The following FRMPD4 variants were observed in gnomAD, a reference collection of about 807,000 sequenced individuals.
FRMPD4 encodes FERM and PDZ domain-containing protein 4.
A neutral mutation model predicts 94.1 loss-of-function variants in FRMPD4; 22 were observed. The observed-to-expected ratio is 0.23, with a 90% CI of 0.17 to 0.33. FRMPD4 has a LOEUF of 0.33. Among genes scored for constraint, FRMPD4 ranks in the 10% least tolerant of loss-of-function variants. The pLI is 1.00. For missense variants in FRMPD4, 1,111 were observed against 1,339.9 expected, an observed-to-expected ratio of 0.83 and a Z score of 2.67; for synonymous variants, 631 against 548.6, an observed-to-expected ratio of 1.15 and a Z score of -2.10.
At chrX:12,439,490 A>G (rs758204009) in intron 1 of FRMPD4, among the ~76,000 whole-genome samples, 2 of 111,597 alleles carry the variant, frequency 1.8e-5, no homozygotes, top group East Asian at 2.8e-4. Flanking sequence ...CCTCAAAACC[A>G]GAGCTCCTAA....
intron 1 of FRMPD4, among the ~76,000 whole-genome samples, chrX:12,239,467 G>T (rs973900420): frequency 8.9e-6 from 1 of 112,104 alleles, no homozygotes; most frequent in African/African-American, 3.2e-5. Flanking sequence ...ATTAGTGAGA[G>T]TATTCAACTT....
chrX:11,891,061 CAG>C (rs1448234909), intron 3 of FRMPD4, among the ~76,000 whole-genome samples: 2 of 112,702 alleles, frequency 1.8e-5, no homozygotes, highest in Non-Finnish European at 3.8e-5. Context: ...GGCTGTTGCT[CAG>C]AGAGTGCAGT....
intron 2 of FRMPD4, among the ~76,000 whole-genome samples, chrX:12,608,130 A>C (rs2059148506): frequency 8.9e-6 from 1 of 112,725 alleles, no homozygotes; most frequent in Non-Finnish European, 1.9e-5. Context: ...CATTACATTA[A>C]GGAGATTTCT....
intron 14 of FRMPD4, among the ~76,000 whole-genome samples, chrX:12,712,501 A>G (rs905709385): frequency 1.8e-5 from 2 of 111,532 alleles, no homozygotes; most frequent in Non-Finnish European, 3.8e-5. Flanking sequence ...GTGAGCTATG[A>G]CTACGCCACT....
intron 1 of FRMPD4, among the ~76,000 whole-genome samples, chrX:12,476,585 C>T (rs1436292731): frequency 4.5e-5 from 5 of 111,302 alleles, no homozygotes; most frequent in Non-Finnish European, 9.4e-5. Flanking sequence ...GGCTAATATC[C>T]AGAATCTACA....
intron 3 of FRMPD4, among the ~76,000 whole-genome samples, chrX:12,062,003 A>G (rs1039065527): frequency 5.4e-5 from 6 of 112,033 alleles, no homozygotes; most frequent in Non-Finnish European, 1.1e-4. Flanking sequence ...ATAAGTCTCT[A>G]TTCAGTCTTA....
Position 12,212,770 on chromosome X carries a change from T to G in FRMPD4, c.41+73758T>G, listed in dbSNP as rs144835541. Reference sequence around the variant, plus strand: ...ACTTCTCTTTATTTTTGTGATGAAATCCTGCACCTTTCACCCAGGCCTAAA... The same window carrying G: ...ACTTCTCTTTATTTTTGTGATGAAAGCCTGCACCTTTCACCCAGGCCTAAA... On this transcript the variant is annotated intron_variant, in intron 1 of 16. Coordinates refer to ENST00000675598, the MANE Select transcript of FRMPD4 (RefSeq NM_001368397.1). 1.3e-3 allele frequency among the ~76,000 whole-genome samples: 141 copies of G among 111,678 alleles called. 1 individual carries two copies. The highest frequency in any genetic ancestry group is 4.5e-3 in the African/African-American group (138 of 30,755).
rs768250436 is a variant in FRMPD4, at chrX:12,445,516, G to A, written c.42-53164G>A. On this transcript the variant is annotated intron_variant, in intron 1 of 16. Transcript: ENST00000675598. The stretch of plus-strand genomic sequence containing the variant: ...TTTGTTGAATGCCTGTCACGTATAA[G>A]ACACTCTTCTAGCACCTTTTGCTTA... Among the ~76,000 whole-genome samples, 10 of 112,739 alleles carry A rather than the reference G, an allele frequency of 8.9e-5. No homozygotes were observed. The East Asian group carries it at 2.5e-3, about 28-fold the overall frequency.
chrX:12,580,125 C>T (rs1274268231), intron 2 of FRMPD4, among the ~76,000 whole-genome samples: 1 of 112,155 alleles, frequency 8.9e-6, no homozygotes, highest in Admixed American at 9.4e-5. Context: ...GGGGAGTTGA[C>T]ACTTGGAAGA....
At chrX:11,849,017 A>G (rs533159818) in intron 1 of FRMPD4, among the ~76,000 whole-genome samples, 6 of 111,373 alleles carry the variant, frequency 5.4e-5, no homozygotes, top group Non-Finnish European at 5.7e-5. Context: ...AAGGAAAATT[A>G]TCTCTGTTCA....
chrX:12,114,660 T>C (rs1192519019), intron 3 of FRMPD4, among the ~76,000 whole-genome samples: 1 of 112,572 alleles, frequency 8.9e-6, no homozygotes, highest in African/African-American at 3.2e-5. Flanking sequence ...GGTAAAGTTT[T>C]ATCTATGGCA....
intron 1 of FRMPD4, among the ~76,000 whole-genome samples, chrX:12,211,187 TTGAGCCTCTCAATACC>T (rs2056752169): frequency 8.9e-6 from 1 of 111,911 alleles, no homozygotes; most frequent in Non-Finnish European, 1.9e-5. Context: ...TGGTGGTTGC[TTGAGCCTCTCAATACC>T]TGAATTTTCC....
rs2059078672 is a variant in FRMPD4 at position 12,600,853 on chromosome X, T to C, written c.159-8868T>C. Reference sequence around the variant, plus strand: ...CTTTTTATAATAAGTTCTGGTATCCTGTAGGGCTAGACAACCATAGCATTT... The same window carrying C: ...CTTTTTATAATAAGTTCTGGTATCCCGTAGGGCTAGACAACCATAGCATTT... On this transcript the variant is annotated intron_variant, in intron 2 of 16. Coordinates refer to ENST00000675598, the MANE Select transcript of FRMPD4 (RefSeq NM_001368397.1). 4.5e-5 allele frequency among the ~76,000 whole-genome samples: 5 copies of C among 112,238 alleles called. No individual in the cohort carries two copies. The South Asian group carries it at 1.9e-3, about 42-fold the overall frequency.
At position 12,138,757 on chromosome X, in the gene FRMPD4, C is replaced by T. The variant is rs2055639258; in HGVS notation, c.-215C>T. On this transcript the variant is annotated 5_prime_UTR_variant, in exon 1 of 17. Coordinates refer to ENST00000675598, the MANE Select transcript of FRMPD4 (RefSeq NM_001368397.1). ...CCTGCCTCGGGTGCCTATCAATGGT[C>T]CTGCTCGGGGATGCACACGCAGCTC... 3 of 346,178 alleles carry T rather than the reference C, an allele frequency of 8.7e-6. No homozygotes were observed. Among genetic ancestry groups the T allele is most frequent in the East Asian group, 9.2e-5 (2 of 21,824 alleles). 28.5% of individuals were successfully genotyped at this position (346,178 alleles called of 1,213,427 possible). A position where few individuals can be genotyped will look rare whatever the true frequency, so the allele number is the denominator to read the frequency against.
At chrX:12,395,032 G>C (rs1347188414) in intron 1 of FRMPD4, among the ~76,000 whole-genome samples, 1 of 112,306 alleles carries the variant, frequency 8.9e-6, no homozygotes, top group East Asian at 2.8e-4. Flanking sequence ...TGCCACATCT[G>C]AAGCATGAAA....
chrX:12,458,045 A>G (rs1157120601), intron 1 of FRMPD4, among the ~76,000 whole-genome samples: 1 of 111,747 alleles, frequency 8.9e-6, no homozygotes, highest in Non-Finnish European at 1.9e-5. Flanking sequence ...TGAACAACTG[A>G]TTTCCTTCTG....
chrX:12,461,318 T>C (rs527723769), intron 1 of FRMPD4, among the ~76,000 whole-genome samples: 3 of 112,018 alleles, frequency 2.7e-5, no homozygotes, highest in African/African-American at 9.7e-5. Context: ...TTTTGTGAAG[T>C]GTAAAAAACT....
At chrX:12,673,067 G>C (rs2059859821) in intron 4 of FRMPD4, among the ~76,000 whole-genome samples, 1 of 111,268 alleles carries the variant, frequency 9.0e-6, no homozygotes, top group Non-Finnish European at 1.9e-5. Flanking sequence ...TCTAAGTTCT[G>C]ATTCTGGAGA....
intron 1 of FRMPD4, among the ~76,000 whole-genome samples, chrX:12,193,359 A>T (rs1040600128): frequency 9.0e-6 from 1 of 110,942 alleles, no homozygotes; most frequent in African/African-American, 3.3e-5. Flanking sequence ...TTCCTCCAAA[A>T]TATTATAAAA....
Sources: allele counts gnomAD v4.1 joint callset (sites outside exome capture counted in the v4.1 genomes callset), GRCh38; gene constraint gnomAD v4.1.1; transcripts MANE v1.5; gene names NCBI Gene and HGNC (gene_info 2026-07-23, HGNC 2026-07-21).